Variants in PEBP4 observed in about 807,000 individuals in gnomAD.
PEBP4 encodes phosphatidylethanolamine-binding protein 4.
A neutral mutation model predicts 23.9 loss-of-function variants in PEBP4; 22 were observed. The ratio of observed to expected loss-of-function variants is 0.92; its 90% CI spans 0.66 to 1.31. PEBP4 has a LOEUF of 1.31. Among genes scored for constraint, PEBP4 ranks in the 40% most tolerant of loss-of-function variants. The probability of loss-of-function intolerance (pLI) is 0.00; values close to 1 mark genes in which losing one functional copy is unlikely to be tolerated. For missense variants in PEBP4, 324 were observed against 281.7 expected (o/e 1.15, Z -1.07); for synonymous variants, 112 against 99.3 (o/e 1.13, Z -0.76).
intron 4 of PEBP4, among the ~76,000 whole-genome samples, chr8:22,767,786 G>T (rs938068066): frequency 1.3e-5 from 2 of 152,010 alleles, no homozygotes; most frequent in Admixed American, 6.6e-5. Context: ...ATGGAGTTTG[G>T]CTCTGTTGCC....
chr8:22,823,851 T>C (rs1221475340), intron 3 of PEBP4, among the ~76,000 whole-genome samples: 4 of 152,052 alleles, frequency 2.6e-5, no homozygotes, highest in African/African-American at 7.2e-5. Flanking sequence ...GGGTAACTCA[T>C]AAAATAAGGA....
intron 4 of PEBP4, among the ~76,000 whole-genome samples, chr8:22,805,492 A>G (rs1806476674): frequency 6.6e-6 from 1 of 152,122 alleles, no homozygotes; most frequent in Non-Finnish European, 1.5e-5. Context: ...ATGCCCATGT[A>G]ATTTTGTATT....
intron 5 of PEBP4, 48 bp downstream of exon 5, chr8:22,727,116 TTCCTGTGATCG>T (rs1454387508): frequency 1.7e-5 from 27 of 1,587,174 alleles, no homozygotes; most frequent in Non-Finnish European, 2.2e-5. Context: ...GAGGTTTTGA[TTCCTGTGATCG>T]TCACTGATGC....
intron 4 of PEBP4, among the ~76,000 whole-genome samples, chr8:22,773,168 G>A (rs1805749868): frequency 6.6e-6 from 1 of 152,116 alleles, no homozygotes; most frequent in Non-Finnish European, 1.5e-5. Flanking sequence ...AGATAAATTA[G>A]CACTAATTGG....
At chr8:22,744,170 A>C (rs1805060179) in intron 4 of PEBP4, among the ~76,000 whole-genome samples, 1 of 152,240 alleles carries the variant, frequency 6.6e-6, no homozygotes, top group Non-Finnish European at 1.5e-5. Flanking sequence ...ACTTGGGATA[A>C]AGTGTGTAGT....
intron 4 of PEBP4, chr8:22,757,449 C>G (rs990952108): frequency 1.3e-5 from 2 of 152,534 alleles, no homozygotes; most frequent in Admixed American, 6.5e-5. Flanking sequence ...CGCTTCCTTC[C>G]TCCAGGCAGC....
upstream of PEBP4, among the ~76,000 whole-genome samples, chr8:22,931,436 C>A (rs1025004080): frequency 1.3e-5 from 2 of 152,096 alleles, no homozygotes; most frequent in Admixed American, 6.6e-5. Flanking sequence ...TATTTTCCGT[C>A]TCTATGAATT....
chr8:22,910,067 C>T (rs933514249), intron 3 of PEBP4, among the ~76,000 whole-genome samples: 1 of 152,202 alleles, frequency 6.6e-6, no homozygotes, highest in African/African-American at 2.4e-5. Context: ...GGCAGCACAC[C>T]GATGGGTGCC....
chr8:22,926,773 G>A (rs1274498267), intron 2 of PEBP4, among the ~76,000 whole-genome samples: 1 of 152,232 alleles, frequency 6.6e-6, no homozygotes, highest in Non-Finnish European at 1.5e-5. Context: ...ACATTTTCAT[G>A]AACAGTAATG....
At chr8:22,769,364 G>C (rs1268581112) in intron 4 of PEBP4, among the ~76,000 whole-genome samples, 1 of 152,212 alleles carries the variant, frequency 6.6e-6, no homozygotes, top group African/African-American at 2.4e-5. Context: ...CTCCTCCAGA[G>C]AGGGAGGGCC....
chr8:22,801,790 C>A lies in PEBP4; in HGVS notation c.357+15847G>T, dbSNP rs749755794. ...AGCCCGGCTCCCAGCCACCGTGGCCCTCCCCCACCAAACTCCGCTCTCCCT... is the reference window on the plus strand; with the variant it reads ...AGCCCGGCTCCCAGCCACCGTGGCCATCCCCCACCAAACTCCGCTCTCCCT... On this transcript the variant is annotated intron_variant, in intron 4 of 6. Transcript: ENST00000256404. 4.8e-4 allele frequency among the ~76,000 whole-genome samples: 73 copies of A among 152,106 alleles called. 1 individual carries two copies. Among genetic ancestry groups the A allele is most frequent in the Admixed American group, 2.0e-3 (31 of 15,276 alleles).
rs116043643 is a variant in PEBP4, at chr8:22,714,528, C to T, written c.518-992G>A. On this transcript the variant is annotated intron_variant, in intron 6 of 6. Transcript: ENST00000256404. ...CTGGAATTCAAATTTTACTGGGCAT[C>T]CTACTTTTTGTTGTTGTTGTTGTTT... Among the ~76,000 whole-genome samples, 1,129 of 151,844 alleles carry T rather than the reference C, an allele frequency of 7.4e-3. 12 individuals carry two copies. The highest frequency in any genetic ancestry group is 0.026 in the African/African-American group (1,088 of 41,350).
intron 3 of PEBP4, among the ~76,000 whole-genome samples, chr8:22,903,452 C>T (rs1034988206): frequency 6.6e-6 from 1 of 152,218 alleles, no homozygotes; most frequent in Non-Finnish European, 1.5e-5. Flanking sequence ...AAAGACGAGG[C>T]ATTTCTAAGA....
At chr8:22,818,495 A>T (rs535776891) in intron 3 of PEBP4, among the ~76,000 whole-genome samples, 2 of 152,298 alleles carry the variant, frequency 1.3e-5, no homozygotes, top group Admixed American at 1.3e-4. Flanking sequence ...GCCAGGGACA[A>T]GCAAGGGGGA....
intron 3 of PEBP4, among the ~76,000 whole-genome samples, chr8:22,878,877 G>A (rs1808184977): frequency 6.6e-6 from 1 of 152,220 alleles, no homozygotes; most frequent in South Asian, 2.1e-4. Context: ...GAGGCTGGAA[G>A]AGGGCATCCA....
intron 4 of PEBP4, among the ~76,000 whole-genome samples, chr8:22,807,562 A>G (rs1806524503): frequency 6.6e-6 from 1 of 152,218 alleles, no homozygotes; most frequent in South Asian, 2.1e-4. Flanking sequence ...ATAACAATCA[A>G]GGGCCTCAAT....
intron 4 of PEBP4, among the ~76,000 whole-genome samples, chr8:22,762,677 C>T (rs776887749): frequency 9.2e-5 from 14 of 151,886 alleles, no homozygotes; most frequent in Non-Finnish European, 1.8e-4. Flanking sequence ...ATTACTTCTC[C>T]GTAAGTGGCA....
chr8:22,874,753 C>T (rs934304820), intron 3 of PEBP4, among the ~76,000 whole-genome samples: 10 of 152,254 alleles, frequency 6.6e-5, no homozygotes, highest in East Asian at 3.9e-4. Context: ...GCCTCAATAA[C>T]GCAGCGCTTC....
At position 22,865,696 on chromosome 8, in the gene PEBP4, G is replaced by A. The variant is rs938985056; in HGVS notation, c.259-47961C>T. On this transcript the variant is annotated intron_variant, in intron 3 of 6. Coordinates refer to ENST00000256404, the MANE Select transcript of PEBP4 (RefSeq NM_144962.3). This position sits in a 1 kb window ranked among gnomAD's most constrained non-coding sequence, Gnocchi z 6.9. ...GACTCCGTTCCAGCCACCTCCCGCC[G>A]CCCGGATCCCAGAGGAAAGGGGAGA... 6.6e-6 allele frequency among the ~76,000 whole-genome samples: 1 copy of A among 152,088 alleles called. No homozygotes were observed. Among genetic ancestry groups the A allele is most frequent in the Non-Finnish European group, 1.5e-5 (1 of 67,978 alleles).
Sources: gnomAD v4.1 joint callset for allele counts (sites outside exome capture counted in the v4.1 genomes callset) on GRCh38, gnomAD v4.1.1 for gene constraint, Gnocchi (gnomAD v3.1) non-coding constraint, MANE v1.5 for transcripts, NCBI Gene and HGNC (gene_info 2026-07-23, HGNC 2026-07-21) for gene names.